Variants in IL1RAPL2 observed in about 807,000 individuals in gnomAD.
IL1RAPL2 encodes interleukin 1 receptor accessory protein like 2.
Under a neutral mutation model 44.1 loss-of-function variants are expected in IL1RAPL2, and 3 were observed. That is an observed-to-expected ratio of 0.07 (90% CI 0.03 to 0.18). The LOEUF (loss-of-function observed/expected upper bound fraction) is 0.18, where lower values mean the gene tolerates loss of function less well. Among genes scored for constraint, IL1RAPL2 ranks in the 10% least tolerant of loss-of-function variants. The pLI is 1.00. For synonymous variants in IL1RAPL2, 181 were observed against 178.8 expected (o/e 1.01, Z -0.10); for missense variants, 391 against 496.4 (o/e 0.79, Z 2.02).
intron 2 of IL1RAPL2, among the ~76,000 whole-genome samples, chrX:104,870,254 A>T (rs1034470953): frequency 2.7e-5 from 3 of 112,274 alleles, no homozygotes; most frequent in Non-Finnish European, 5.6e-5. Context: ...CAACAACTCT[A>T]TGAGGAGATT....
intron 2 of IL1RAPL2, among the ~76,000 whole-genome samples, chrX:105,027,562 A>C (rs1382982052): frequency 8.9e-6 from 1 of 112,226 alleles, no homozygotes; most frequent in Non-Finnish European, 1.9e-5. Context: ...AATGAGAAAC[A>C]GGCATATGAA....
intron 2 of IL1RAPL2, among the ~76,000 whole-genome samples, chrX:105,161,262 AACTC>A (rs2147595131): frequency 9.2e-6 from 1 of 108,323 alleles, no homozygotes; most frequent in South Asian, 4.0e-4. Context: ...TGCTTAAAAT[AACTC>A]ACTACTTAAA....
At chrX:104,761,985 C>T (rs866215909) in intron 2 of IL1RAPL2, among the ~76,000 whole-genome samples, 6 of 66,618 alleles carry the variant, frequency 9.0e-5, no homozygotes, top group South Asian at 7.8e-4. Context: ...CTTCTTCTTC[C>T]TCCTCCTCCT....
chrX:105,027,617 C>T (rs887925533), intron 2 of IL1RAPL2, among the ~76,000 whole-genome samples: 3 of 111,555 alleles, frequency 2.7e-5, no homozygotes, highest in Non-Finnish European at 3.8e-5. Context: ...CAAATCAAAA[C>T]TACAATGAGA....
intron 5 of IL1RAPL2, among the ~76,000 whole-genome samples, chrX:105,477,265 C>T (rs955876292): frequency 1.8e-5 from 2 of 111,496 alleles, no homozygotes; most frequent in African/African-American, 6.5e-5. Context: ...CATGATTTTT[C>T]TATACTTTTT....
intron 2 of IL1RAPL2, among the ~76,000 whole-genome samples, chrX:104,701,801 G>T (rs1931277940): frequency 9.0e-6 from 1 of 111,448 alleles, no homozygotes; most frequent in South Asian, 3.8e-4. Context: ...AGTCCCAGTT[G>T]GTAATGACTT....
intron 1 of IL1RAPL2, among the ~76,000 whole-genome samples, chrX:104,591,210 G>A (rs1928658637): frequency 9.0e-6 from 1 of 111,213 alleles, no homozygotes; most frequent in South Asian, 3.8e-4. Flanking sequence ...TGTAATTATT[G>A]TTCAGGCAAA....
chrX:105,231,464 G>A (rs782723679), intron 3 of IL1RAPL2, among the ~76,000 whole-genome samples: 13 of 111,442 alleles, frequency 1.2e-4, no homozygotes. Context: ...GAAGAAAGGG[G>A]GATATATACC....
At chrX:104,751,300 A>T (rs1330826122) in intron 2 of IL1RAPL2, among the ~76,000 whole-genome samples, 1 of 111,754 alleles carries the variant, frequency 8.9e-6, no homozygotes, top group Non-Finnish European at 1.9e-5. Context: ...CCACAGTGAG[A>T]AAAACATATG....
At chrX:104,714,289 T>A (rs1931514658) in intron 2 of IL1RAPL2, among the ~76,000 whole-genome samples, 1 of 111,124 alleles carries the variant, frequency 9.0e-6, no homozygotes, top group South Asian at 3.8e-4. Flanking sequence ...TTGAGTTATG[T>A]TCCTTGATGT....
At position 104,667,369 on chromosome X, in the gene IL1RAPL2, C is replaced by T. The variant is rs751916174; in HGVS notation, c.82+8374C>T. Among the ~76,000 whole-genome samples, 3 of 111,321 alleles carry T rather than the reference C, an allele frequency of 2.7e-5. No individual in the cohort carries two copies. In the South Asian group the frequency reaches 1.2e-3, roughly 43 times the overall value. On this transcript the variant is annotated intron_variant, in intron 2 of 10. Transcript: ENST00000372582. ...TCCCTCTCAGTGATTCAGAAATTGA[C>T]CAGACATGCTTTTAGCCCCCCAAGA...
intron 1 of IL1RAPL2, among the ~76,000 whole-genome samples, chrX:104,569,882 TTC>T (rs1454828262): frequency 8.9e-6 from 1 of 112,383 alleles, no homozygotes; most frequent in Non-Finnish European, 1.9e-5. Flanking sequence ...CCTGAGTAGA[TTC>T]TGTGACAGGT....
At position 104,673,641 on chromosome X, in the gene IL1RAPL2, T is replaced by A. The variant is rs1381791347; in HGVS notation, c.82+14646T>A. 1.8e-4 allele frequency among the ~76,000 whole-genome samples: 20 copies of A among 111,422 alleles called. No individual in the cohort carries two copies. The South Asian group carries it at 2.7e-3, about 15-fold the overall frequency. On this transcript the variant is annotated intron_variant, in intron 2 of 10. Coordinates refer to ENST00000372582, the MANE Select transcript of IL1RAPL2 (RefSeq NM_017416.2). ...TTTTTCCAATTCTGTGAAGAAAGGC[T>A]TTGGTAGCTTGATGGGGATGGTATT...
chrX:104,934,636 CAACTA>C (rs1924986198), intron 2 of IL1RAPL2, among the ~76,000 whole-genome samples: 1 of 111,200 alleles, frequency 9.0e-6, no homozygotes, highest in Non-Finnish European at 1.9e-5. Flanking sequence ...GAAATAAAAA[CAACTA>C]AAGCCATAAT....
intron 2 of IL1RAPL2, among the ~76,000 whole-genome samples, chrX:105,122,852 G>T (rs923200805): frequency 3.6e-5 from 4 of 110,989 alleles, no homozygotes; most frequent in African/African-American, 1.3e-4. Context: ...ATTACAGTGT[G>T]GGGGTTGTGG....
chrX:105,705,429 GAT>G (rs761875403), intron 6 of IL1RAPL2, among the ~76,000 whole-genome samples: 8 of 110,968 alleles, frequency 7.2e-5, no homozygotes, highest in Non-Finnish European at 1.3e-4. Context: ...TTTTTAATCA[GAT>G]TTTTGACTAC....
intron 5 of IL1RAPL2, among the ~76,000 whole-genome samples, chrX:105,303,751 C>T (rs889025281): frequency 1.5e-4 from 17 of 112,211 alleles, no homozygotes; most frequent in Non-Finnish European, 3.0e-4. Context: ...TGGCGTACTT[C>T]CCTCTAACAG....
intron 6 of IL1RAPL2, among the ~76,000 whole-genome samples, chrX:105,563,944 C>A (rs1400247946): frequency 9.0e-6 from 1 of 111,668 alleles, no homozygotes; most frequent in Non-Finnish European, 1.9e-5. Context: ...ATTTGGGCTG[C>A]TATAACAGAA....
At chrX:104,600,028 G>A (rs1393452880) in intron 1 of IL1RAPL2, among the ~76,000 whole-genome samples, 1 of 111,563 alleles carries the variant, frequency 9.0e-6, no homozygotes, top group East Asian at 2.8e-4. Flanking sequence ...AAACCCTTTC[G>A]TTGATATGCA....
Sources: allele counts gnomAD v4.1 joint callset (sites outside exome capture counted in the v4.1 genomes callset), GRCh38; gene constraint gnomAD v4.1.1; transcripts MANE v1.5; gene names NCBI Gene and HGNC (gene_info 2026-07-23, HGNC 2026-07-21).